The following MAP3K20 variants were observed in gnomAD, a reference collection of about 807,000 sequenced individuals.
MAP3K20 encodes HCCS-4.
MAP3K20 carries 40 observed loss-of-function variants against 85.7 expected under a neutral mutation model. The observed-to-expected ratio is 0.47, with a 90% CI of 0.36 to 0.61. MAP3K20 has a LOEUF of 0.61. Ranked by LOEUF, MAP3K20 falls within the 20% of genes least tolerant of loss-of-function variation. The pLI, the probability that MAP3K20 is intolerant of heterozygous loss-of-function variation, is 0.00. For missense variants in MAP3K20, 817 were observed against 961.7 expected, an observed-to-expected ratio of 0.85 and a Z score of 1.99; for synonymous variants, 325 against 327.7, an observed-to-expected ratio of 0.99 and a Z score of 0.09.
intron 1 of MAP3K20, among the ~76,000 whole-genome samples, chr2:173,088,967 T>C (rs1047329627): frequency 6.6e-6 from 1 of 152,206 alleles, no homozygotes; most frequent in Admixed American, 6.5e-5. Context: ...ACCCTTCCTC[T>C]TTCTCGCCTT....
intron 2 of MAP3K20, among the ~76,000 whole-genome samples, chr2:173,119,284 C>T (rs1412281371): frequency 6.6e-6 from 1 of 152,130 alleles, no homozygotes; most frequent in South Asian, 2.1e-4. Context: ...GTGACGATCT[C>T]GAGTGTGTCA....
At chr2:173,130,685 G>T (rs1253866234) in intron 2 of MAP3K20, among the ~76,000 whole-genome samples, 2 of 152,220 alleles carry the variant, frequency 1.3e-5, no homozygotes, top group African/African-American at 4.8e-5. Flanking sequence ...ATGCTAGGGT[G>T]TGATCAGTCT....
rs149584466 is a variant in MAP3K20 at position 173,133,199 on chromosome 2, T to C, written c.160-36606T>C. On this transcript the variant is annotated intron_variant, in intron 2 of 19. Coordinates refer to ENST00000375213, the MANE Select transcript of MAP3K20 (RefSeq NM_016653.3). ...GTTTAGTAGCAAAGCAATGTAAACA[T>C]CTGAGTCCTTTACCTAAAGAAGCTT... 3.0e-4 allele frequency among the ~76,000 whole-genome samples: 46 copies of C among 152,342 alleles called. No homozygotes were observed. The East Asian group carries it at 7.7e-3, about 26-fold the overall frequency.
chr2:173,222,397 A>C, intron 11 of MAP3K20: 1 of 985,850 alleles, frequency 1.0e-6, no homozygotes, highest in Non-Finnish European at 1.2e-6. Flanking sequence ...AAATACCCTG[A>C]TTTGAAACCA....
chr2:173,110,019 G>A lies in MAP3K20; in HGVS notation c.159+18829G>A, dbSNP rs557430003. Among the ~76,000 whole-genome samples, 11 of 151,414 alleles carry A rather than the reference G, an allele frequency of 7.3e-5. No individual in the cohort carries two copies. The South Asian group carries it at 1.5e-3, about 20-fold the overall frequency. On this transcript the variant is annotated intron_variant, in intron 2 of 19. Coordinates refer to ENST00000375213, the MANE Select transcript of MAP3K20 (RefSeq NM_016653.3). ...AGGCAACCTAGTTGGGGGATGGGACGTGATGTATTTGTCTCCCCCAAAGGA... is the reference window on the plus strand; with the variant it reads ...AGGCAACCTAGTTGGGGGATGGGACATGATGTATTTGTCTCCCCCAAAGGA...
intron 16 of MAP3K20, among the ~76,000 whole-genome samples, chr2:173,250,390 AG>A (rs966673524): frequency 6.6e-6 from 1 of 152,272 alleles, no homozygotes; most frequent in Non-Finnish European, 1.5e-5. Flanking sequence ...AGAAGGAAAT[AG>A]GAGGCTGAGA....
At chr2:173,152,269 T>C (rs1689329712) in intron 2 of MAP3K20, among the ~76,000 whole-genome samples, 1 of 152,204 alleles carries the variant, frequency 6.6e-6, no homozygotes, top group East Asian at 1.9e-4. Context: ...TTTGTTTACA[T>C]GCAGAACGAT....
At chr2:173,127,430 G>T (rs941601615) in intron 2 of MAP3K20, among the ~76,000 whole-genome samples, 2 of 152,106 alleles carry the variant, frequency 1.3e-5, no homozygotes, top group East Asian at 3.8e-4. Context: ...TTAAAAAGTC[G>T]ATCTTTAGAA....
intron 8 of MAP3K20, among the ~76,000 whole-genome samples, chr2:173,199,278 G>A (rs1225760841): frequency 6.6e-6 from 1 of 152,204 alleles, no homozygotes; most frequent in African/African-American, 2.4e-5. Flanking sequence ...TTTTCCTCCT[G>A]ATTCATTGGG....
rs914654981 is a variant in MAP3K20 at position 173,204,735 on chromosome 2, G to T, written c.744+865G>T. 6.6e-5 allele frequency among the ~76,000 whole-genome samples: 10 copies of T among 152,202 alleles called. 1 individual carries two copies. The South Asian group carries it at 1.4e-3, about 22-fold the overall frequency. On this transcript the variant is annotated intron_variant, in intron 9 of 19. Transcript: ENST00000375213. ...TGGCCATGATAATTTTTGAAGCTGA[G>T]TGATAATATATAGAGGTTCATTATA...
At chr2:173,215,112 CTT>C (rs1030812274) in intron 10 of MAP3K20, among the ~76,000 whole-genome samples, 1 of 152,220 alleles carries the variant, frequency 6.6e-6, no homozygotes, top group African/African-American at 2.4e-5. Context: ...TGAGATGCAT[CTT>C]TGGCTTAAAT....
rs1298001632 is a variant in MAP3K20 at position 173,117,931 on chromosome 2, T to C, written c.159+26741T>C. 2.0e-5 allele frequency among the ~76,000 whole-genome samples: 3 copies of C among 152,140 alleles called. No individual in the cohort carries two copies. The East Asian group carries it at 5.8e-4, about 29-fold the overall frequency. On this transcript the variant is annotated intron_variant, in intron 2 of 19. Coordinates refer to ENST00000375213, the MANE Select transcript of MAP3K20 (RefSeq NM_016653.3). ...AGTTAGGATGATGGGAAGGGGGTGA[T>C]AGATGCTTGAGGGGGATGGCAAAAG...
intron 2 of MAP3K20, among the ~76,000 whole-genome samples, chr2:173,140,814 G>A (rs747667516): frequency 1.1e-4 from 16 of 147,724 alleles, no homozygotes; most frequent in Middle Eastern, 3.4e-3. Flanking sequence ...AAAATTATGC[G>A]GAACTAAACA....
At chr2:173,159,991 C>CT (rs1470994741) in intron 2 of MAP3K20, 1 of 152,178 alleles carries the variant, frequency 6.6e-6, no homozygotes, top group African/African-American at 2.4e-5. Flanking sequence ...CTTCCCAGCA[C>CT]TGGTGACTCC....
chr2:173,084,047 A>G (rs973503706), intron 1 of MAP3K20, among the ~76,000 whole-genome samples: 4 of 152,172 alleles, frequency 2.6e-5, no homozygotes, highest in Non-Finnish European at 5.9e-5. Context: ...AGAAAGTTCA[A>G]AGACCTTTTT....
At chr2:173,188,347 C>A (rs1690551524) in intron 5 of MAP3K20, among the ~76,000 whole-genome samples, 1 of 152,190 alleles carries the variant, frequency 6.6e-6, no homozygotes, top group African/African-American at 2.4e-5. Flanking sequence ...ATAGCACTAG[C>A]TAAAGTAAAC....
At chr2:173,194,752 C>T (rs1369964562) in intron 7 of MAP3K20, among the ~76,000 whole-genome samples, 1 of 118,538 alleles carries the variant, frequency 8.4e-6, no homozygotes, top group Non-Finnish European at 2.0e-5. Flanking sequence ...TGAATAAGAC[C>T]ATTAAAAAAA....
At chr2:173,213,137 GTTTT>G (rs1683964081) in intron 10 of MAP3K20, among the ~76,000 whole-genome samples, 1 of 152,066 alleles carries the variant, frequency 6.6e-6, no homozygotes, top group African/African-American at 2.4e-5. Flanking sequence ...TATAGAGAGT[GTTTT>G]TTATTTGTAT....
chr2:173,159,082 G>A (rs772037108), intron 2 of MAP3K20, among the ~76,000 whole-genome samples: 17 of 152,214 alleles, frequency 1.1e-4, no homozygotes, highest in African/African-American at 2.4e-4. Context: ...TGACCAGGTC[G>A]CTTTAGGGCC....
Sources: gnomAD v4.1 joint callset for allele counts (sites outside exome capture counted in the v4.1 genomes callset) on GRCh38, gnomAD v4.1.1 for gene constraint, MANE v1.5 for transcripts, NCBI Gene and HGNC (gene_info 2026-07-23, HGNC 2026-07-21) for gene names.